Variants in PRMT8 observed in about 807,000 individuals in gnomAD.
The protein encoded by PRMT8 is protein arginine N-methyltransferase 8.
A neutral mutation model predicts 47.1 loss-of-function variants in PRMT8; 7 were observed. The ratio of observed to expected loss-of-function variants is 0.15; its 90% CI spans 0.08 to 0.28. PRMT8 has a LOEUF of 0.28. PRMT8 is among the 10% of genes least tolerant of loss of function. The pLI is 1.00. For synonymous variants in PRMT8, 188 were observed against 186.5 expected (o/e 1.01, Z -0.07); for missense variants, 237 against 505.4 (o/e 0.47, Z 5.09).
chr12:3,565,338 G>A (rs1010659779), intron 4 of PRMT8, among the ~76,000 whole-genome samples: 2 of 152,116 alleles, frequency 1.3e-5, no homozygotes, highest in African/African-American at 2.4e-5. Flanking sequence ...GAACAAGAGC[G>A]TAAGTTGCTG....
At chr12:3,512,576 C>G (rs73262009) in intron 1 of PRMT8, among the ~76,000 whole-genome samples, 3,373 of 152,260 alleles carry the variant, frequency 0.022, 127 homozygotes, top group African/African-American at 0.076. Context: ...CTCAACTCCC[C>G]TGCCCCAATC....
Position 3,491,487 on chromosome 12 carries a change from CTG to C in PRMT8, c.-136_-135del. 6 of 1,441,350 alleles carry C rather than the reference CTG, an allele frequency of 4.2e-6. No homozygotes were observed. Among genetic ancestry groups the C allele is most frequent in the Non-Finnish European group, 5.5e-6 (6 of 1,100,740 alleles). 89.3% of individuals were successfully genotyped at this position (1,441,350 alleles called of 1,614,324 possible). A position where few individuals can be genotyped will look rare whatever the true frequency, so the allele number is the denominator to read the frequency against. On this transcript the variant is annotated 5_prime_UTR_variant, in exon 1 of 10. Coordinates refer to ENST00000382622, the MANE Select transcript of PRMT8 (RefSeq NM_019854.5). ...GCAGAACAGACTCCGCTGTGGCTGA[CTG>C]TGCCGGCCGACGCTCCAGCTGAGGG...
intron 1 of PRMT8, among the ~76,000 whole-genome samples, chr12:3,496,214 A>ATATATTTTT: frequency 1.1e-3 from 31 of 27,776 alleles, no homozygotes; most frequent in South Asian, 2.6e-3. Context: ...ATATATATAT[A>ATATATTTTT]TTTTTTTTTT....
At chr12:3,468,643 G>A (rs1344303140) in intron 1 of PRMT8, among the ~76,000 whole-genome samples, 4 of 152,204 alleles carry the variant, frequency 2.6e-5, no homozygotes, top group Admixed American at 6.5e-5. Flanking sequence ...TATGAAAGTT[G>A]ATTTGTAAAA....
chr12:3,509,103 A>G (rs11062689), intron 1 of PRMT8, among the ~76,000 whole-genome samples: 21,370 of 152,096 alleles, frequency 0.14, 2,366 homozygotes, highest in African/African-American at 0.31. Flanking sequence ...GTGTGAGTGC[A>G]TATTCTAGAA....
At chr12:3,402,652 G>A (rs1181767192) in intron 1 of PRMT8, among the ~76,000 whole-genome samples, 1 of 152,188 alleles carries the variant, frequency 6.6e-6, no homozygotes, top group Non-Finnish European at 1.5e-5. Flanking sequence ...CCATTAAAAA[G>A]TGGGCAAAGA....
intron 6 of PRMT8, among the ~76,000 whole-genome samples, chr12:3,575,349 T>A (rs1406390893): frequency 6.6e-6 from 1 of 152,230 alleles, no homozygotes; most frequent in African/African-American, 2.4e-5. Flanking sequence ...TTTAATCCTG[T>A]AAGATTTTAG....
Position 3,572,997 on chromosome 12 carries a change from A to T in PRMT8, c.712+3433A>T, listed in dbSNP as rs1405558157. ...CTTTTTATTTATCCTGCTTGGGGTT[A>T]CATGGAATTCTTGGAACTGTGGATG... On this transcript the variant is annotated intron_variant, in intron 6 of 9. Transcript: ENST00000382622. The surrounding 1 kb of genome is among the most constrained non-coding windows in gnomAD (Gnocchi z 5.9). 6.6e-6 allele frequency among the ~76,000 whole-genome samples: 1 copy of T among 152,218 alleles called. No individual in the cohort carries two copies. Among genetic ancestry groups the T allele is most frequent in the Non-Finnish European group, 1.5e-5 (1 of 68,040 alleles).
chr12:3,441,586 G>A (rs1864803030), intron 1 of PRMT8, among the ~76,000 whole-genome samples: 1 of 152,226 alleles, frequency 6.6e-6, no homozygotes, highest in Non-Finnish European at 1.5e-5. Context: ...GGTGCTCCGT[G>A]CTCCACATGC....
rs913396115 is a variant in PRMT8 at position 3,593,286 on chromosome 12, A to G, written c.*104A>G. On this transcript the variant is annotated 3_prime_UTR_variant, in exon 10 of 10. Transcript: ENST00000382622. The surrounding 1 kb of genome is among the most constrained non-coding windows in gnomAD (Gnocchi z 4.8). ...TTGCAGGACTACACACTTGAAAACC[A>G]GAGTTTTCAACTCTGCCTTGAAGAT... 2.0e-6 allele frequency: 2 copies of G among 984,336 alleles called. No individual in the cohort carries two copies. Among genetic ancestry groups the G allele is most frequent in the African/African-American group, 3.3e-5 (2 of 61,000 alleles). 61.0% of individuals were successfully genotyped at this position (984,336 alleles called of 1,614,324 possible).
chr12:3,484,015 G>C (rs973759439), intron 1 of PRMT8, among the ~76,000 whole-genome samples: 1 of 152,104 alleles, frequency 6.6e-6, no homozygotes, highest in African/African-American at 2.4e-5. Flanking sequence ...TTAAAAAATG[G>C]CACCTCTTTC....
chr12:3,424,623 G>C (rs965316594), intron 1 of PRMT8, among the ~76,000 whole-genome samples: 10 of 152,066 alleles, frequency 6.6e-5, no homozygotes, highest in Admixed American at 6.6e-5. Context: ...TTCAGTCCTT[G>C]ATCTTATTTT....
rs147528367 is a variant in PRMT8 at position 3,408,676 on chromosome 12, A to T, written c.48+27234A>T. Reference sequence around the variant, plus strand: ...TTTACCCCTGCATTAATATCTGTGCATCTGGTGGAACAGCTACCCCTTCAA... The same window carrying T: ...TTTACCCCTGCATTAATATCTGTGCTTCTGGTGGAACAGCTACCCCTTCAA... On this transcript the variant is annotated intron_variant, in intron 1 of 9. Coordinates refer to the PRMT8 transcript ENST00000452611. Among the ~76,000 whole-genome samples the T allele has an allele frequency of 7.0e-4, 106 of 152,156 alleles. 2 individuals carry two copies. The East Asian group carries it at 0.02, about 28-fold the overall frequency.
At chr12:3,401,772 A>G (rs1864319840) in intron 1 of PRMT8, among the ~76,000 whole-genome samples, 1 of 152,178 alleles carries the variant, frequency 6.6e-6, no homozygotes, top group Admixed American at 6.5e-5. Flanking sequence ...ACAGCTAACA[A>G]AGGAAGTAAT....
At position 3,514,460 on chromosome 12, in the gene PRMT8, CA is replaced by C. The variant is rs1865758865; in HGVS notation, c.75+22763del. ...CTCACCCAGGCCTGCAGAGCCTCTCCAAATCCATCCGTACTTCCACTGAAGA... is the reference window on the plus strand; with the variant it reads ...CTCACCCAGGCCTGCAGAGCCTCTCCAATCCATCCGTACTTCCACTGAAGA... On this transcript the variant is annotated intron_variant, in intron 1 of 9. Coordinates refer to ENST00000382622, the MANE Select transcript of PRMT8 (RefSeq NM_019854.5). The surrounding 1 kb of genome is among the most constrained non-coding windows in gnomAD (Gnocchi z 5.9). 6.6e-6 allele frequency among the ~76,000 whole-genome samples: 1 copy of C among 152,162 alleles called. No homozygotes were observed. The highest frequency in any genetic ancestry group is 6.5e-5 in the Admixed American group (1 of 15,278).
rs1272606314 is a variant in PRMT8 at position 3,492,529 on chromosome 12, C to T, written c.75+829C>T. ...GCTCTAGCTCCGCAAATTGTGTTCT[C>T]GGCCCCCGCCTTCGGCAGCCTTTTT... On this transcript the variant is annotated intron_variant, in intron 1 of 9. Transcript: ENST00000382622. This position sits in a 1 kb window ranked among gnomAD's most constrained non-coding sequence, Gnocchi z 7.5. Among the ~76,000 whole-genome samples, 3 of 152,234 alleles carry T rather than the reference C, an allele frequency of 2.0e-5. No homozygotes were observed. The highest frequency in any genetic ancestry group is 7.2e-5 in the African/African-American group (3 of 41,466).
At chr12:3,510,401 T>C (rs567889593) in intron 1 of PRMT8, among the ~76,000 whole-genome samples, 2 of 152,284 alleles carry the variant, frequency 1.3e-5, no homozygotes, top group South Asian at 4.1e-4. Context: ...AATAAATAGA[T>C]GGAAGATATT....
At chr12:3,567,688 A>G (rs1417739368) in intron 4 of PRMT8, among the ~76,000 whole-genome samples, 2 of 152,238 alleles carry the variant, frequency 1.3e-5, no homozygotes, top group Non-Finnish European at 2.9e-5. Flanking sequence ...TCCCCCACAC[A>G]GTTGAAAATC....
intron 1 of PRMT8, among the ~76,000 whole-genome samples, chr12:3,460,564 G>A (rs1865029991): frequency 6.6e-6 from 1 of 152,182 alleles, no homozygotes; most frequent in African/African-American, 2.4e-5. Context: ...AGAAGGGAAT[G>A]GCAGAATGGG....
Sources: gnomAD v4.1 joint callset for allele counts (sites outside exome capture counted in the v4.1 genomes callset) on GRCh38, gnomAD v4.1.1 for gene constraint, Gnocchi (gnomAD v3.1) non-coding constraint, MANE v1.5 for transcripts, NCBI Gene and HGNC (gene_info 2026-07-23, HGNC 2026-07-21) for gene names.